Variants in OLFM2 observed in about 807,000 individuals in gnomAD.
OLFM2 encodes the protein olfactomedin 2, also known as noelin-2.
OLFM2 carries 20 observed loss-of-function variants against 43.9 expected under a neutral mutation model. The observed-to-expected ratio is 0.46, with a 90% CI of 0.32 to 0.66. The LOEUF is 0.66. Ranked by LOEUF, OLFM2 falls within the 30% of genes least tolerant of loss-of-function variation. OLFM2 has a pLI of 0.04. For synonymous variants in OLFM2, 268 were observed against 278.6 expected, an observed-to-expected ratio of 0.96 and a Z score of 0.38; for missense variants, 416 against 643.6, an observed-to-expected ratio of 0.65 and a Z score of 3.83.
intron 2 of OLFM2, among the ~76,000 whole-genome samples, chr19:9,859,425 T>C (rs1168469120): frequency 1.3e-5 from 2 of 152,174 alleles, no homozygotes; most frequent in African/African-American, 4.8e-5. Context: ...CAAGCAGTTC[T>C]CCTGCCTCAG....
chr19:9,915,560 C>A (rs1054477368), intron 1 of OLFM2, among the ~76,000 whole-genome samples: 1 of 151,870 alleles, frequency 6.6e-6, no homozygotes, highest in African/African-American at 2.4e-5. Context: ...CTCTGTCGCC[C>A]AGGCTGGAGT....
intron 1 of OLFM2, among the ~76,000 whole-genome samples, chr19:9,876,574 C>T (rs1429804092): frequency 2.0e-5 from 3 of 152,192 alleles, no homozygotes; most frequent in African/African-American, 7.2e-5. Context: ...TATCCCTTGG[C>T]TACACCTCCA....
rs182015560 is a variant in OLFM2 at position 9,918,894 on chromosome 19, G to A, written c.63+17410C>T. ...GTGGAGATGGAATGCAAATGGGCAC[G>A]GGGGCTGTTTTGGAGGTGATGAAAA... On this transcript the variant is annotated intron_variant, in intron 1 of 5. Transcript: ENST00000264833. 3.5e-4 allele frequency among the ~76,000 whole-genome samples: 53 copies of A among 152,272 alleles called. No individual in the cohort carries two copies. The East Asian group carries it at 8.9e-3, about 26-fold the overall frequency.
At chr19:9,928,666 A>ATG (rs2086466523) in intron 1 of OLFM2, among the ~76,000 whole-genome samples, 2 of 151,800 alleles carry the variant, frequency 1.3e-5, no homozygotes, top group South Asian at 4.2e-4. Flanking sequence ...CTAGCCAGGC[A>ATG]TGGTGGTGCA....
chr19:9,899,882 C>T lies in OLFM2; in HGVS notation c.63+36422G>A, dbSNP rs1435082206. Among the ~76,000 whole-genome samples the T allele has an allele frequency of 3.9e-5, 6 of 152,048 alleles. No individual in the cohort carries two copies. In the South Asian group the frequency reaches 6.2e-4, roughly 16 times the overall value. On this transcript the variant is annotated intron_variant, in intron 1 of 5. Coordinates refer to ENST00000264833, the MANE Select transcript of OLFM2 (RefSeq NM_058164.4). Reference sequence around the variant, plus strand: ...CACCCCCGCCGGATACTGTTTAGCCCTCTGTACTGCGCTTATGGCCAGATG... The same window carrying T: ...CACCCCCGCCGGATACTGTTTAGCCTTCTGTACTGCGCTTATGGCCAGATG...
chr19:9,894,409 T>TAATAATA (rs1555726682), intron 1 of OLFM2, among the ~76,000 whole-genome samples: 52 of 100,522 alleles, frequency 5.2e-4, no homozygotes, highest in South Asian at 1.7e-3. Flanking sequence ...ATAATAATAA[T>TAATAATA]AATAAATAAA....
chr19:9,925,060 G>C (rs1202050697), intron 1 of OLFM2, among the ~76,000 whole-genome samples: 1 of 151,954 alleles, frequency 6.6e-6, no homozygotes, highest in Non-Finnish European at 1.5e-5. Context: ...CCCAGGAGTT[G>C]GAGACCAGCC....
chr19:9,909,804 G>A (rs531186782), intron 1 of OLFM2, among the ~76,000 whole-genome samples: 1 of 152,280 alleles, frequency 6.6e-6, no homozygotes, highest in African/African-American at 2.4e-5. Context: ...TTAGACACTT[G>A]AGAAATGTTT....
intron 1 of OLFM2, among the ~76,000 whole-genome samples, chr19:9,913,157 T>C (rs1421365335): frequency 1.3e-5 from 2 of 152,118 alleles, no homozygotes; most frequent in African/African-American, 2.4e-5. Context: ...CTGCAGCCCT[T>C]GTCGCCTCCG....
At chr19:9,929,755 C>T (rs1006355398) in intron 1 of OLFM2, among the ~76,000 whole-genome samples, 2 of 150,778 alleles carry the variant, frequency 1.3e-5, no homozygotes, top group Non-Finnish European at 3.0e-5. Flanking sequence ...CCCACACATA[C>T]CAGGCCAGGC....
intron 1 of OLFM2, among the ~76,000 whole-genome samples, chr19:9,919,787 C>T (rs2086408368): frequency 6.9e-6 from 1 of 144,388 alleles, no homozygotes; most frequent in African/African-American, 2.7e-5. Context: ...TGGACCACTG[C>T]CATTTTTTTT....
At chr19:9,894,470 G>A (rs2046665892) in intron 1 of OLFM2, among the ~76,000 whole-genome samples, 1 of 148,360 alleles carries the variant, frequency 6.7e-6, no homozygotes, top group South Asian at 2.1e-4. Flanking sequence ...AGCACTTTGG[G>A]AGGCTGAGGC....
intron 1 of OLFM2, among the ~76,000 whole-genome samples, chr19:9,902,026 C>CTATATATATATATATA (rs146963521): frequency 6.7e-6 from 1 of 150,172 alleles, no homozygotes; most frequent in African/African-American, 2.4e-5. Context: ...TATATACTGA[C>CTATATATATATATATA]TATATATATA....
At chr19:9,867,040 TCTC>T (rs2046407202) in intron 1 of OLFM2, among the ~76,000 whole-genome samples, 1 of 152,082 alleles carries the variant, frequency 6.6e-6, no homozygotes, top group African/African-American at 2.4e-5. Flanking sequence ...GGGATCATCA[TCTC>T]CTACTACTCC....
intron 1 of OLFM2, among the ~76,000 whole-genome samples, chr19:9,933,547 C>G (rs1002754783): frequency 4.6e-5 from 6 of 131,028 alleles, no homozygotes; most frequent in Admixed American, 8.4e-5. Flanking sequence ...TGCTATCACT[C>G]TAATCTTTTT....
chr19:9,853,911 G>A lies in OLFM2; in HGVS notation c.*275C>T. 1 of 575,610 alleles carries A rather than the reference G, an allele frequency of 1.7e-6. No individual in the cohort carries two copies. Among genetic ancestry groups the A allele is most frequent in the East Asian group, 2.9e-5 (1 of 35,062 alleles). The allele number at this position is 575,610 out of a possible 1,614,324, so 35.7% of individuals were successfully genotyped here. A position where few individuals can be genotyped will look rare whatever the true frequency, so the allele number is the denominator to read the frequency against. On this transcript the variant is annotated 3_prime_UTR_variant, in exon 6 of 6. Coordinates refer to ENST00000264833, the MANE Select transcript of OLFM2 (RefSeq NM_058164.4). ...AGACAGAGAGAGGCAGAGACGGAAA[G>A]AACTGGAGAACCAGAGCCATAAAAA... is the stretch of plus-strand genomic sequence containing the variant.
Position 9,857,929 on chromosome 19 carries a change from C to T in OLFM2, c.214-68G>A, listed in dbSNP as rs890479582. Reference sequence around the variant, plus strand: ...AATCCCAACCCAGAGATGCCACAGACAAGAGCTGGCAGGAACAGAGGCTGT... The same window carrying T: ...AATCCCAACCCAGAGATGCCACAGATAAGAGCTGGCAGGAACAGAGGCTGT... On this transcript the variant is annotated intron_variant, in intron 2 of 5. Transcript: ENST00000264833. This position sits in a 1 kb window ranked among gnomAD's most constrained non-coding sequence, Gnocchi z 5.7. The T allele has an allele frequency of 9.4e-6, 15 of 1,598,090 alleles. No homozygotes were observed. Among genetic ancestry groups the T allele is most frequent in the African/African-American group, 4.0e-5 (3 of 74,564 alleles).
chr19:9,924,731 C>T (rs546833585), intron 1 of OLFM2, among the ~76,000 whole-genome samples: 2 of 152,186 alleles, frequency 1.3e-5, no homozygotes, highest in South Asian at 2.1e-4. Context: ...GTGGCCCCCA[C>T]GCACCGTGCT....
chr19:9,918,067 T>C (rs1370847508), intron 1 of OLFM2, among the ~76,000 whole-genome samples: 3 of 151,896 alleles, frequency 2.0e-5, no homozygotes, highest in African/African-American at 7.3e-5. Flanking sequence ...TTAGTAGAGA[T>C]GGGGTTTCAC....
Sources: allele counts gnomAD v4.1 joint callset (sites outside exome capture counted in the v4.1 genomes callset), GRCh38; gene constraint gnomAD v4.1.1; non-coding constraint Gnocchi (gnomAD v3.1); transcripts MANE v1.5; gene names NCBI Gene and HGNC (gene_info 2026-07-23, HGNC 2026-07-21).